The following CDH6 variants were observed in gnomAD, a reference collection of about 807,000 sequenced individuals.
The protein encoded by CDH6 is cadherin 6.
Under a neutral mutation model 78.0 loss-of-function variants are expected in CDH6, and 31 were observed. The ratio of observed to expected loss-of-function variants is 0.40; its 90% CI spans 0.30 to 0.54. CDH6 has a LOEUF of 0.54. Ranked by LOEUF, CDH6 falls within the 20% of genes least tolerant of loss-of-function variation. The pLI is 0.56. For missense variants in CDH6, 724 were observed against 975.9 expected, an observed-to-expected ratio of 0.74 and a Z score of 3.44; for synonymous variants, 376 against 368.8, an observed-to-expected ratio of 1.02 and a Z score of -0.23.
chr5:31,247,214 T>A (rs1484843289), intron 1 of CDH6, among the ~76,000 whole-genome samples: 2 of 152,128 alleles, frequency 1.3e-5, no homozygotes, highest in African/African-American at 4.8e-5. Context: ...TACCAAAAAA[T>A]GACTTAAAAA....
chr5:31,306,497 C>T (rs1457189703), intron 7 of CDH6, among the ~76,000 whole-genome samples: 4 of 152,124 alleles, frequency 2.6e-5, no homozygotes, highest in African/African-American at 7.2e-5. Flanking sequence ...TAGCTGGGCA[C>T]GGTGGCTCAC....
At chr5:31,216,211 T>C (rs76526472) in intron 1 of CDH6, among the ~76,000 whole-genome samples, 3,124 of 152,128 alleles carry the variant, frequency 0.021, 123 homozygotes, top group African/African-American at 0.071. Context: ...TTGCTTGCAA[T>C]CTAATGCTTA....
At chr5:31,245,347 C>A (rs1466591713) in intron 1 of CDH6, among the ~76,000 whole-genome samples, 3 of 152,136 alleles carry the variant, frequency 2.0e-5, no homozygotes, top group African/African-American at 7.2e-5. Context: ...TATAAATAGA[C>A]CATCACTGAG....
At chr5:31,239,816 C>G (rs996755759) in intron 1 of CDH6, among the ~76,000 whole-genome samples, 1 of 152,144 alleles carries the variant, frequency 6.6e-6, no homozygotes, top group South Asian at 2.1e-4. Context: ...CTCTTTAGTA[C>G]AGGGATGAAA....
At chr5:31,302,928 AAAG>A (rs1561066424) in intron 6 of CDH6, among the ~76,000 whole-genome samples, 1 of 127,842 alleles carries the variant, frequency 7.8e-6, no homozygotes, top group African/African-American at 2.6e-5. Context: ...AGAAAGAAAG[AAAG>A]AAAGAAAGAA....
chr5:31,255,923 T>C (rs532451153), intron 1 of CDH6, among the ~76,000 whole-genome samples: 7 of 152,236 alleles, frequency 4.6e-5, no homozygotes, highest in Non-Finnish European at 8.8e-5. Context: ...TAACTTGGCA[T>C]AAAGGGTTAC....
chr5:31,234,035 T>G (rs1023828329), intron 1 of CDH6, among the ~76,000 whole-genome samples: 1 of 112,450 alleles, frequency 8.9e-6, no homozygotes, highest in Non-Finnish European at 1.8e-5. Flanking sequence ...GTGATAATAG[T>G]CTATATCTCA....
chr5:31,218,509 A>C (rs977530643), intron 1 of CDH6, among the ~76,000 whole-genome samples: 1 of 152,136 alleles, frequency 6.6e-6, no homozygotes, highest in Non-Finnish European at 1.5e-5. Context: ...TTCGACAGAA[A>C]GTTCCTAAGT....
At chr5:31,253,045 G>A (rs1233123776) in intron 1 of CDH6, among the ~76,000 whole-genome samples, 1 of 152,152 alleles carries the variant, frequency 6.6e-6, no homozygotes, top group Non-Finnish European at 1.5e-5. Flanking sequence ...CAATGTTTTG[G>A]AAACTAGGAA....
chr5:31,217,170 T>G (rs1232708338), intron 1 of CDH6, among the ~76,000 whole-genome samples: 1 of 152,202 alleles, frequency 6.6e-6, no homozygotes, highest in African/African-American at 2.4e-5. Flanking sequence ...TGTCTCTCTT[T>G]TGTTAGTAGG....
At chr5:31,209,470 A>T (rs959063218) in intron 1 of CDH6, among the ~76,000 whole-genome samples, 8 of 152,176 alleles carry the variant, frequency 5.3e-5, no homozygotes, top group African/African-American at 1.9e-4. Flanking sequence ...GAGTTAAAAA[A>T]TTTTCAGGAG....
At position 31,328,746 on chromosome 5, in the gene CDH6, G is replaced by T. The variant is rs1044287517; in HGVS notation, c.*5438G>T. On this transcript the variant is annotated 3_prime_UTR_variant, in exon 12 of 12. Coordinates refer to ENST00000265071, the MANE Select transcript of CDH6 (RefSeq NM_004932.4). The stretch of plus-strand genomic sequence containing the variant: ...ATGCCACCCTTGAAGATTTACTGGC[G>T]GGAATGCTCACTCTTGTCGTTTTCC... 4 of 215,900 alleles carry T rather than the reference G, an allele frequency of 1.9e-5. No individual in the cohort carries two copies. The highest frequency in any genetic ancestry group is 3.7e-5 in the Non-Finnish European group (4 of 107,188). The allele number at this position is 215,900 out of a possible 1,614,324, so 13.4% of individuals were successfully genotyped here.
At chr5:31,224,220 A>G (rs1741081906) in intron 1 of CDH6, among the ~76,000 whole-genome samples, 1 of 152,204 alleles carries the variant, frequency 6.6e-6, no homozygotes, top group South Asian at 2.1e-4. Context: ...AAAGAGAGAG[A>G]GTTTGTGCGG....
chr5:31,257,907 C>A (rs1742098974), intron 1 of CDH6, among the ~76,000 whole-genome samples: 1 of 152,136 alleles, frequency 6.6e-6, no homozygotes, highest in Non-Finnish European at 1.5e-5. Flanking sequence ...TAAGAAGGAG[C>A]CTCTAGGTTA....
At position 31,209,928 on chromosome 5, in the gene CDH6, A is replaced by G. The variant is rs192890250; in HGVS notation, c.-129+16042A>G. Reference sequence around the variant, plus strand: ...GAAAAGAGAAAAAAAAATCTTTCTCACAATTAAGGATTAAGGGTAATGTCC... The same window carrying G: ...GAAAAGAGAAAAAAAAATCTTTCTCGCAATTAAGGATTAAGGGTAATGTCC... On this transcript the variant is annotated intron_variant, in intron 1 of 11. Transcript: ENST00000265071. 3.9e-4 allele frequency among the ~76,000 whole-genome samples: 60 copies of G among 152,276 alleles called. 1 individual carries two copies. The highest frequency in any genetic ancestry group is 1.4e-3 in the African/African-American group (59 of 41,572).
chr5:31,214,155 A>C (rs1318747768), intron 1 of CDH6, among the ~76,000 whole-genome samples: 1 of 151,788 alleles, frequency 6.6e-6, no homozygotes, highest in Non-Finnish European at 1.5e-5. Context: ...AAAAAAAAAA[A>C]AAACAGGCAG....
At chr5:31,316,779 C>A (rs1738336976) in intron 9 of CDH6, among the ~76,000 whole-genome samples, 1 of 152,258 alleles carries the variant, frequency 6.6e-6, no homozygotes, top group South Asian at 2.1e-4. Context: ...TTCTTTGCTG[C>A]CAGTGATATA....
At chr5:31,292,630 T>G (rs1737406218) in intron 2 of CDH6, among the ~76,000 whole-genome samples, 1 of 151,690 alleles carries the variant, frequency 6.6e-6, no homozygotes, top group African/African-American at 2.4e-5. Flanking sequence ...AACACTAACT[T>G]CTCTATATAC....
chr5:31,224,235 A>T (rs1387357898), intron 1 of CDH6, among the ~76,000 whole-genome samples: 1 of 152,088 alleles, frequency 6.6e-6, no homozygotes, highest in African/African-American at 2.4e-5. Flanking sequence ...GTGCGGGGGA[A>T]CTCCTCTTTA....
Sources: gnomAD v4.1 joint callset for allele counts (sites outside exome capture counted in the v4.1 genomes callset) on GRCh38, gnomAD v4.1.1 for gene constraint, MANE v1.5 for transcripts, NCBI Gene and HGNC (gene_info 2026-07-23, HGNC 2026-07-21) for gene names.